Variants in PEAK1 observed in about 807,000 individuals in gnomAD.
PEAK1 encodes inactive tyrosine-protein kinase PEAK1.
A neutral mutation model predicts 124.7 loss-of-function variants in PEAK1; 54 were observed. The ratio of observed to expected loss-of-function variants is 0.43; its 90% confidence interval spans 0.35 to 0.54. The LOEUF (loss-of-function observed/expected upper bound fraction) is 0.54. PEAK1 is among the 20% of genes least tolerant of loss of function. PEAK1 has a pLI of 0.01. For synonymous variants in PEAK1, 719 were observed against 760.0 expected (o/e 0.95, Z 0.89); for missense variants, 2,046 against 2,134.5 (o/e 0.96, Z 0.82).
intron 8 of PEAK1, among the ~76,000 whole-genome samples, chr15:77,143,562 C>T (rs1199008429): frequency 6.6e-6 from 1 of 152,190 alleles, no homozygotes; most frequent in Non-Finnish European, 1.5e-5. Flanking sequence ...TCAGAGCCAC[C>T]AAACTACTTG....
chr15:77,280,994 T>C (rs552796651), intron 5 of PEAK1, among the ~76,000 whole-genome samples: 3 of 152,178 alleles, frequency 2.0e-5, no homozygotes, highest in African/African-American at 7.2e-5. Flanking sequence ...ACCCCATCTC[T>C]ACTGAAAATA....
At chr15:77,174,659 G>A (rs115461530) in intron 7 of PEAK1, among the ~76,000 whole-genome samples, 1 of 152,102 alleles carries the variant, frequency 6.6e-6, no homozygotes, top group Non-Finnish European at 1.5e-5. Flanking sequence ...GTGCCTTAAA[G>A]AAAAGTTTAA....
chr15:77,217,123 G>T lies in PEAK1; in HGVS notation c.-114-35083C>A, dbSNP rs2059181497. ...ATGCACCTGCAGTCTTAGCTGCTCA[G>T]GAGGCTGAGGTGGAAGGATCACTTG... On this transcript the variant is annotated intron_variant, in intron 6 of 9. Transcript: ENST00000682557. 2.6e-5 allele frequency among the ~76,000 whole-genome samples: 4 copies of T among 150,986 alleles called. No homozygotes were observed. The South Asian group carries it at 8.4e-4, about 32-fold the overall frequency.
Position 77,115,153 on chromosome 15 carries a change from T to C in PEAK1, c.4244A>G (p.Glu1415Gly), listed in dbSNP as rs1207935333. ...WEDPDDPEKD[E>G]DDMEETEEDA... is the part of the protein sequence containing the mutation. ...TTCTTCAGTCTCTTCCATGTCATCC[T>C]CATCCTTTTCAGGGTCATCTGGATC... Residue 1415 changes from glutamate to glycine, a missense_variant, in exon 10 of 10, where the codon GAG (glutamate) becomes GGG (glycine). Transcript: ENST00000682557. 2 of 1,614,178 alleles carry C rather than the reference T, an allele frequency of 1.2e-6. No individual in the cohort carries two copies. The highest frequency in any genetic ancestry group is 1.1e-5 in the South Asian group (1 of 91,086).
At chr15:77,211,677 G>T (rs1206250055) in intron 6 of PEAK1, among the ~76,000 whole-genome samples, 1 of 151,670 alleles carries the variant, frequency 6.6e-6, no homozygotes, top group Non-Finnish European at 1.5e-5. Context: ...GTGAAACCCC[G>T]TCTCTACTAA....
intron 2 of PEAK1, chr15:77,351,978 T>G: frequency 1.0e-6 from 1 of 981,754 alleles, no homozygotes; most frequent in Non-Finnish European, 1.2e-6. Context: ...ACCAGCAATT[T>G]GGGAGGCCAA....
At chr15:77,374,240 G>T (rs146764214) in intron 1 of PEAK1, among the ~76,000 whole-genome samples, 1 of 152,240 alleles carries the variant, frequency 6.6e-6, no homozygotes, top group African/African-American at 2.4e-5. Flanking sequence ...AGAAGAGTCA[G>T]TTAATTATAA....
chr15:77,366,890 C>G (rs886153010), intron 1 of PEAK1, among the ~76,000 whole-genome samples: 1 of 152,122 alleles, frequency 6.6e-6, no homozygotes, highest in Non-Finnish European at 1.5e-5. Flanking sequence ...AATCCCAGCA[C>G]TTTGGGAGGC....
chr15:77,319,649 C>G (rs1221476714), intron 2 of PEAK1, among the ~76,000 whole-genome samples: 1 of 152,100 alleles, frequency 6.6e-6, no homozygotes, highest in African/African-American at 2.4e-5. Flanking sequence ...AATAAGAACA[C>G]CAACCACTTC....
chr15:77,198,054 A>G (rs150674609), intron 6 of PEAK1, among the ~76,000 whole-genome samples: 1 of 152,288 alleles, frequency 6.6e-6, no homozygotes, highest in East Asian at 1.9e-4. Context: ...ATTTATCAAA[A>G]CTTAAATGAG....
At chr15:77,237,156 A>G (rs2060159992) in intron 6 of PEAK1, among the ~76,000 whole-genome samples, 1 of 152,238 alleles carries the variant, frequency 6.6e-6, no homozygotes, top group Non-Finnish European at 1.5e-5. Flanking sequence ...AACAAGTAAC[A>G]CTGAAGATAT....
At chr15:77,350,343 A>G (rs567825586) in intron 2 of PEAK1, 5 of 985,296 alleles carry the variant, frequency 5.1e-6, no homozygotes, top group Admixed American at 6.1e-5. Context: ...GCCAGAGAGT[A>G]TCATCAAATT....
chr15:77,155,290 G>A (rs970764329), intron 8 of PEAK1: 16 of 152,160 alleles, frequency 1.1e-4, no homozygotes, highest in South Asian at 2.1e-4. Context: ...CTCCTGAGGC[G>A]TCTGCATTCT....
intron 5 of PEAK1, among the ~76,000 whole-genome samples, chr15:77,266,767 C>A (rs2061756966): frequency 6.6e-6 from 1 of 152,192 alleles, no homozygotes; most frequent in Non-Finnish European, 1.5e-5. Context: ...TAGAGACCCA[C>A]ATCACGAACT....
intron 2 of PEAK1, among the ~76,000 whole-genome samples, chr15:77,310,325 T>C (rs2064360813): frequency 6.6e-6 from 1 of 152,220 alleles, no homozygotes; most frequent in Admixed American, 6.5e-5. Context: ...CTTATGTTCC[T>C]AGCTTGGTCA....
At chr15:77,116,701 AATCTATCTATCTATCT>A (rs34607835) in intron 9 of PEAK1, among the ~76,000 whole-genome samples, 261 of 145,848 alleles carry the variant, frequency 1.8e-3, no homozygotes, top group Middle Eastern at 3.5e-3. Flanking sequence ...GAAATCAATC[AATCTATCTATCTATCT>A]ATCTATCTAT....
intron 2 of PEAK1, among the ~76,000 whole-genome samples, chr15:77,345,328 A>G (rs1382112871): frequency 2.0e-5 from 3 of 152,170 alleles, no homozygotes; most frequent in African/African-American, 7.2e-5. Context: ...TCAACTGGAT[A>G]GCTTTGTAAG....
At chr15:77,163,967 C>T (rs1274578255) in intron 7 of PEAK1, among the ~76,000 whole-genome samples, 1 of 152,072 alleles carries the variant, frequency 6.6e-6, no homozygotes, top group Non-Finnish European at 1.5e-5. Context: ...CTGGGGATAA[C>T]GGAACTCTGC....
intron 6 of PEAK1, among the ~76,000 whole-genome samples, chr15:77,218,020 A>T (rs906431489): frequency 6.6e-6 from 1 of 152,166 alleles, no homozygotes; most frequent in Non-Finnish European, 1.5e-5. Flanking sequence ...AAAATTCCTT[A>T]GCATTTTCTA....
Sources: gnomAD v4.1 joint callset for allele counts (sites outside exome capture counted in the v4.1 genomes callset) on GRCh38, gnomAD v4.1.1 for gene constraint, MANE v1.5 for transcripts, NCBI Gene and HGNC (gene_info 2026-07-23, HGNC 2026-07-21) for gene names.